CACNA1D: variants seen among roughly 807,000 people sequenced by gnomAD.
CACNA1D encodes the protein voltage-dependent L-type calcium channel subunit alpha-1D.
Under a neutral mutation model 257.1 loss-of-function variants are expected in CACNA1D, and 55 were observed. The ratio of observed to expected loss-of-function variants is 0.21; its 90% CI spans 0.17 to 0.27. The LOEUF is 0.27. Ranked by LOEUF, CACNA1D falls within the 10% of genes least tolerant of loss-of-function variation. The pLI is 1.00. For missense variants in CACNA1D, 1,876 were observed against 2,784.0 expected, an observed-to-expected ratio of 0.67 and a Z score of 7.34; for synonymous variants, 980 against 1,014.9, an observed-to-expected ratio of 0.97 and a Z score of 0.65.
intron 3 of CACNA1D, among the ~76,000 whole-genome samples, chr3:53,588,857 G>GA (rs1427609252): frequency 1.3e-5 from 2 of 151,198 alleles, no homozygotes; most frequent in African/African-American, 2.4e-5. Flanking sequence ...CTCCTTTGTG[G>GA]AAAAAAAAAG....
chr3:53,753,539 C>T (rs1470514119), intron 28 of CACNA1D, 33 bp from the exon 29 acceptor site: 1 of 1,370,668 alleles, frequency 7.3e-7, no homozygotes, highest in African/African-American at 1.4e-5. Context: ...GTGGCTGAGG[C>T]TCTGAGAACG....
intron 3 of CACNA1D, among the ~76,000 whole-genome samples, chr3:53,639,215 A>G (rs923193386): frequency 4.6e-5 from 7 of 152,076 alleles, no homozygotes; most frequent in African/African-American, 1.4e-4. Context: ...AGCCTGACCA[A>G]CATGGTGAAA....
chr3:53,557,361 G>A (rs1045100085), intron 3 of CACNA1D, among the ~76,000 whole-genome samples: 1 of 152,056 alleles, frequency 6.6e-6, no homozygotes, highest in African/African-American at 2.4e-5. Flanking sequence ...GGGTGTGGTG[G>A]TGCATGCTTG....
chr3:53,673,562 G>GAAA lies in CACNA1D; in HGVS notation c.1220+449_1220+451dup, dbSNP rs10707009. On this transcript the variant is annotated intron_variant, in intron 8 of 47. Coordinates refer to ENST00000350061, the MANE Select transcript of CACNA1D (RefSeq NM_001128840.3). This position sits in a 1 kb window ranked among gnomAD's most constrained non-coding sequence, Gnocchi z 4.1. ...GCCGCTGAGCTTGTCCTTATTTGCA[G>GAAA]AAAAAAAAAAAAAAAGGGAAGGACC... is the stretch of plus-strand genomic sequence containing the variant. The GAAA allele has an allele frequency of 1.5e-4, 90 of 590,128 alleles. No homozygotes were observed. The highest frequency in any genetic ancestry group is 3.1e-4 in the Middle Eastern group (1 of 3,224). The allele number at this position is 590,128 out of a possible 1,614,324, so 36.6% of individuals were successfully genotyped here. A position where few individuals can be genotyped will look rare whatever the true frequency, so the allele number is the denominator to read the frequency against.
rs2094532563 is a variant in CACNA1D, at chr3:53,691,910, ATAT to A, written c.1221-10730_1221-10728del. Among the ~76,000 whole-genome samples the A allele has an allele frequency of 9.2e-5, 6 of 65,244 alleles. 1 individual carries two copies. In the South Asian group the frequency reaches 2.6e-3, roughly 28 times the overall value. The allele number at this position is 65,244 out of a possible 152,430, so 42.8% of individuals were successfully genotyped here. ...ATATTATATATATTACATATATTAT[ATAT>A]AATATATATTATATATATTATATAT... On this transcript the variant is annotated intron_variant, in intron 8 of 47. Coordinates refer to ENST00000350061, the MANE Select transcript of CACNA1D (RefSeq NM_001128840.3).
At chr3:53,516,740 C>T (rs76458926) in intron 3 of CACNA1D, among the ~76,000 whole-genome samples, 1,850 of 152,292 alleles carry the variant, frequency 0.012, 47 homozygotes, top group African/African-American at 0.042. Context: ...ATTGCAGGCA[C>T]CAGGCCCAGC....
chr3:53,809,633 A>G (rs760440442), intron 46 of CACNA1D: 20 of 365,004 alleles, frequency 5.5e-5, no homozygotes, highest in Non-Finnish European at 7.8e-5. Context: ...GTACTTCGGT[A>G]TTTAAACCCA....
intron 3 of CACNA1D, among the ~76,000 whole-genome samples, chr3:53,614,538 G>A (rs1010104538): frequency 1.3e-5 from 2 of 152,192 alleles, no homozygotes; most frequent in South Asian, 4.1e-4. Context: ...GGAGTGTGCT[G>A]AGTGAGCACA....
At position 53,810,228 on chromosome 3, in the gene CACNA1D, T is replaced by A. The variant is rs1354600104; in HGVS notation, c.6122T>A (p.Leu2041Gln). ...ISYRTFTPAS[L>Q]TVPSSFRNKN... is the part of the protein sequence containing the mutation. Reference sequence around the variant, plus strand: ...TACCGGACTTTCACACCAGCCAGCCTGACTGTCCCCAGCAGCTTCCGGAAC... The same window carrying A: ...TACCGGACTTTCACACCAGCCAGCCAGACTGTCCCCAGCAGCTTCCGGAAC... Residue 2041 changes from leucine (L) to glutamine (Q), a missense_variant, in exon 47 of 48, where the codon CTG (leucine) becomes CAG (glutamine). Physicochemically the swap from Leu to Gln is moderately radical, Grantham distance 113 (BLOSUM62 -2). Around this residue, in one of 10 missense-constraint regions of CACNA1D, gnomAD observed 491 missense variants for 554.3 expected, o/e 0.89. Transcript: ENST00000350061. 1.2e-6 allele frequency: 2 copies of A among 1,613,982 alleles called. No homozygotes were observed. The highest frequency in any genetic ancestry group is 1.1e-5 in the South Asian group (1 of 91,080).
chr3:53,778,124 A>G (rs2095407710), intron 37 of CACNA1D, among the ~76,000 whole-genome samples: 1 of 152,228 alleles, frequency 6.6e-6, no homozygotes, highest in Non-Finnish European at 1.5e-5. Context: ...GAAAATCCAG[A>G]AAGCCTTCTA....
chr3:53,580,313 C>T (rs17053213), intron 3 of CACNA1D, among the ~76,000 whole-genome samples: 1,852 of 152,356 alleles, frequency 0.012, 37 homozygotes, highest in African/African-American at 0.042. Flanking sequence ...TTGATTTCAT[C>T]TGGATGCTCG....
At chr3:53,663,034 G>GA (rs148449793) in intron 5 of CACNA1D, among the ~76,000 whole-genome samples, 1 of 151,874 alleles carries the variant, frequency 6.6e-6, no homozygotes, top group East Asian at 1.9e-4. Context: ...GATCATTTTT[G>GA]AAAAAACCAT....
At chr3:53,566,951 G>A (rs1163732536) in intron 3 of CACNA1D, among the ~76,000 whole-genome samples, 1 of 152,226 alleles carries the variant, frequency 6.6e-6, no homozygotes, top group Non-Finnish European at 1.5e-5. Flanking sequence ...TTTGTCTTCA[G>A]CTATCTGTTA....
At position 53,804,522 on chromosome 3, in the gene CACNA1D, C is replaced by T. The variant is rs114765269; in HGVS notation, c.5586-461C>T. On this transcript the variant is annotated intron_variant, in intron 44 of 47. Coordinates refer to ENST00000350061, the MANE Select transcript of CACNA1D (RefSeq NM_001128840.3). Reference sequence around the variant, plus strand: ...CCCCAGAAAAGAAAACCTCACGAACCGCATGAGTTCCTCTCTTCCAGCACT... The same window carrying T: ...CCCCAGAAAAGAAAACCTCACGAACTGCATGAGTTCCTCTCTTCCAGCACT... 4.3e-3 allele frequency among the ~76,000 whole-genome samples: 650 copies of T among 152,282 alleles called. 10 individuals are homozygous for T. Among genetic ancestry groups the T allele is most frequent in the African/African-American group, 0.015 (635 of 41,566 alleles).
At chr3:53,718,714 C>G in intron 10 of CACNA1D, 1 of 1,559,658 alleles carries the variant, frequency 6.4e-7, no homozygotes, top group South Asian at 1.2e-5. Flanking sequence ...GCGGCCAAGG[C>G]GGGGCCCTCT....
chr3:53,780,544 G>A (rs966644097), intron 38 of CACNA1D, among the ~76,000 whole-genome samples: 8 of 152,200 alleles, frequency 5.3e-5, no homozygotes, highest in Admixed American at 3.9e-4. Context: ...ATGTCTAGGA[G>A]GTCCTGAGGA....
intron 3 of CACNA1D, among the ~76,000 whole-genome samples, chr3:53,523,880 G>A (rs967327463): frequency 7.2e-5 from 11 of 152,206 alleles, no homozygotes; most frequent in Non-Finnish European, 8.8e-5. Context: ...TATTTTTGAG[G>A]TCAGCCTCCT....
chr3:53,810,172 C>T lies in CACNA1D; in HGVS notation c.6066C>T (p.Ser2022=). 1.2e-6 allele frequency: 2 copies of T among 1,613,998 alleles called. No homozygotes were observed. The highest frequency in any genetic ancestry group is 3.3e-4 in the Middle Eastern group (2 of 6,062). The change falls in exon 47 of 48, where the codon AGC becomes AGT. Residue 2022 remains serine (S), a synonymous_variant. Transcript: ENST00000350061. ...GCAGCCTGCCGTCCCTGCACCGCAG[C>T]TCCTGGTACACAGACGAGCCCGACA... ...VNGSLPSLHR[S]SWYTDEPDIS...
intron 3 of CACNA1D, among the ~76,000 whole-genome samples, chr3:53,516,530 C>T (rs1466405065): frequency 6.6e-6 from 1 of 152,212 alleles, no homozygotes; most frequent in Non-Finnish European, 1.5e-5. Flanking sequence ...GTGAGTGGTG[C>T]TGCAGCAGAA....
Sources: gnomAD v4.1 joint callset for allele counts (sites outside exome capture counted in the v4.1 genomes callset) on GRCh38, gnomAD v4.1.1 for gene constraint, gnomAD v4.1.1 regional missense constraint, Gnocchi (gnomAD v3.1) non-coding constraint, MANE v1.5 for transcripts, NCBI Gene and HGNC (gene_info 2026-07-23, HGNC 2026-07-21) for gene names.